Variants in KCNIP4 observed in about 807,000 individuals in gnomAD.
KCNIP4 encodes the protein Kv channel-interacting protein 4.
In KCNIP4, 12 loss-of-function variants were observed where a neutral mutation model predicts 34.0. The observed-to-expected ratio is 0.35, with a 90% CI of 0.23 to 0.57. The LOEUF (loss-of-function observed/expected upper bound fraction) is 0.57, where lower values mean the gene tolerates loss of function less well. Ranked by LOEUF, KCNIP4 falls within the 20% of genes least tolerant of loss-of-function variation. The pLI is 0.83. For synonymous variants in KCNIP4, 124 were observed against 102.2 expected, an observed-to-expected ratio of 1.21 and a Z score of -1.29; for missense variants, 238 against 311.7, an observed-to-expected ratio of 0.76 and a Z score of 1.78.
chr4:21,612,657 T>C (rs1358041194), intron 1 of KCNIP4, among the ~76,000 whole-genome samples: 1 of 152,216 alleles, frequency 6.6e-6, no homozygotes, highest in Non-Finnish European at 1.5e-5. Context: ...AGTATTCTGT[T>C]TGACAGATCA....
At chr4:20,774,404 C>T (rs569046795) in intron 3 of KCNIP4, among the ~76,000 whole-genome samples, 1 of 152,202 alleles carries the variant, frequency 6.6e-6, no homozygotes, top group South Asian at 2.1e-4. Context: ...CACTTACTAG[C>T]CTGGAACTTT....
intron 1 of KCNIP4, among the ~76,000 whole-genome samples, chr4:21,639,554 G>T (rs891721304): frequency 7.8e-6 from 1 of 127,964 alleles, no homozygotes; most frequent in South Asian, 2.6e-4. Flanking sequence ...AATGATGAAA[G>T]GTCAATCTGA....
chr4:21,630,475 A>G (rs1242272629), intron 1 of KCNIP4, among the ~76,000 whole-genome samples: 1 of 151,196 alleles, frequency 6.6e-6, no homozygotes, highest in Non-Finnish European at 1.5e-5. Context: ...AAAAAGAAAA[A>G]TCCTTCAGAA....
At chr4:20,902,101 A>G (rs1446863171) in intron 1 of KCNIP4, among the ~76,000 whole-genome samples, 3 of 152,202 alleles carry the variant, frequency 2.0e-5, no homozygotes, top group Admixed American at 6.5e-5. Flanking sequence ...GAGATTACTC[A>G]TGTCTTCTCA....
At chr4:21,650,461 T>C (rs1387424582) in intron 1 of KCNIP4, among the ~76,000 whole-genome samples, 1 of 152,188 alleles carries the variant, frequency 6.6e-6, no homozygotes, top group African/African-American at 2.4e-5. Flanking sequence ...GGATCTCTAT[T>C]CTTCTCCTTG....
intron 1 of KCNIP4, among the ~76,000 whole-genome samples, chr4:21,417,589 C>T (rs1032912145): frequency 6.6e-6 from 1 of 152,040 alleles, no homozygotes; most frequent in African/African-American, 2.4e-5. Flanking sequence ...TGGAGAGACT[C>T]AATCAGAGCT....
At chr4:21,013,882 G>T (rs1268102185) in intron 1 of KCNIP4, among the ~76,000 whole-genome samples, 2 of 152,126 alleles carry the variant, frequency 1.3e-5, no homozygotes, top group African/African-American at 4.8e-5. Context: ...AGTGAAATCG[G>T]TAATTCTTTG....
intron 1 of KCNIP4, among the ~76,000 whole-genome samples, chr4:21,390,987 G>T (rs1042049303): frequency 1.3e-5 from 2 of 152,034 alleles, no homozygotes; most frequent in African/African-American, 4.8e-5. Flanking sequence ...TATTATCATT[G>T]TTTTTTATTA....
chr4:21,775,780 A>T (rs1354102625), intron 1 of KCNIP4, among the ~76,000 whole-genome samples: 1 of 152,194 alleles, frequency 6.6e-6, no homozygotes, highest in Non-Finnish European at 1.5e-5. Flanking sequence ...AAGCCTTGGG[A>T]CCAAGCCATT....
intron 1 of KCNIP4, among the ~76,000 whole-genome samples, chr4:21,347,110 T>A (rs1219333036): frequency 6.6e-6 from 1 of 152,160 alleles, no homozygotes; most frequent in Non-Finnish European, 1.5e-5. Flanking sequence ...CTGAGCCCAA[T>A]AAAGAGAAAA....
chr4:20,826,161 TAC>T, intron 3 of KCNIP4, among the ~76,000 whole-genome samples: 1 of 152,154 alleles, frequency 6.6e-6, no homozygotes, highest in Non-Finnish European at 1.5e-5. Context: ...ATGGCAATAC[TAC>T]TGTAGAGCAT....
chr4:20,934,201 C>T (rs1290148947), intron 1 of KCNIP4, among the ~76,000 whole-genome samples: 2 of 152,156 alleles, frequency 1.3e-5, no homozygotes, highest in African/African-American at 2.4e-5. Flanking sequence ...CAACTTCCTC[C>T]TGTCCATGTT....
intron 1 of KCNIP4, among the ~76,000 whole-genome samples, chr4:21,279,960 T>A (rs1762677208): frequency 6.6e-6 from 1 of 152,138 alleles, no homozygotes; most frequent in Non-Finnish European, 1.5e-5. Flanking sequence ...CAAATTGAAC[T>A]ATTAGGGATG....
Position 21,788,709 on chromosome 4 carries a change from G to A in KCNIP4, c.61+159862C>T, listed in dbSNP as rs143292440. Among the ~76,000 whole-genome samples, 263 of 152,166 alleles carry A rather than the reference G, an allele frequency of 1.7e-3. 2 individuals are homozygous for A. The highest frequency in any genetic ancestry group is 5.9e-3 in the African/African-American group (245 of 41,514). On this transcript the variant is annotated intron_variant, in intron 1 of 8. Transcript: ENST00000382152. ...AAAATAGTTACCATTCCTTGAGCCC[G>A]ACCTACATGAGCCCCTGACATATTC...
intron 1 of KCNIP4, among the ~76,000 whole-genome samples, chr4:21,277,550 G>A (rs1762514845): frequency 6.6e-6 from 1 of 152,108 alleles, no homozygotes; most frequent in South Asian, 2.1e-4. Context: ...ATTGTTAGCA[G>A]ATATAAAAAG....
chr4:20,735,826 C>T (rs927709864), intron 5 of KCNIP4, among the ~76,000 whole-genome samples: 5 of 152,004 alleles, frequency 3.3e-5, no homozygotes, highest in African/African-American at 1.2e-4. Context: ...TGAGCCACCA[C>T]GCCTGGCCAG....
chr4:21,502,300 G>C (rs1036511087), intron 1 of KCNIP4, among the ~76,000 whole-genome samples: 3 of 152,054 alleles, frequency 2.0e-5, no homozygotes, highest in African/African-American at 7.2e-5. Context: ...CTAATTAAAA[G>C]CTTAGTTCAG....
At chr4:21,694,344 A>G (rs1712026773) in intron 1 of KCNIP4, among the ~76,000 whole-genome samples, 1 of 152,198 alleles carries the variant, frequency 6.6e-6, no homozygotes, top group African/African-American at 2.4e-5. Flanking sequence ...AGAAGAAAAT[A>G]GGAAAATTGA....
intron 3 of KCNIP4, among the ~76,000 whole-genome samples, chr4:20,760,241 C>T (rs1418518823): frequency 6.6e-6 from 1 of 152,122 alleles, no homozygotes; most frequent in Non-Finnish European, 1.5e-5. Context: ...CACTCCCACG[C>T]CACCTAACGT....
Sources: allele counts gnomAD v4.1 joint callset (sites outside exome capture counted in the v4.1 genomes callset), GRCh38; gene constraint gnomAD v4.1.1; transcripts MANE v1.5; gene names NCBI Gene and HGNC (gene_info 2026-07-23, HGNC 2026-07-21).